The following VWF variants were observed in gnomAD, a reference collection of about 807,000 sequenced individuals.
The protein encoded by VWF is von Willebrand factor.
Under a neutral mutation model 308.6 loss-of-function variants are expected in VWF, and 176 were observed. The observed-to-expected ratio is 0.57, with a 90% CI of 0.50 to 0.65. The LOEUF (loss-of-function observed/expected upper bound fraction) is 0.65. VWF is among the 30% of genes least tolerant of loss of function. The pLI is 0.00. For synonymous variants in VWF, 1,385 were observed against 1,443.4 expected (o/e 0.96, Z 0.92); for missense variants, 3,146 against 3,648.2 (o/e 0.86, Z 3.55).
At chr12:6,036,358 T>TC in intron 19 of VWF, 30 bp downstream of exon 19, 1 of 1,604,900 alleles carries the variant, frequency 6.2e-7, no homozygotes, top group African/African-American at 1.3e-5. Context: ...AGGGCCTGGG[T>TC]CCCCGGCGCA....
At chr12:5,980,149 G>GAAA in intron 42 of VWF, among the ~76,000 whole-genome samples, 1 of 75,972 alleles carries the variant, frequency 1.3e-5, no homozygotes, top group African/African-American at 4.9e-5. Context: ...AAAGGAGTGA[G>GAAA]GGAGGGAGTG....
At chr12:5,964,289 T>TGC in intron 47 of VWF, among the ~76,000 whole-genome samples, 1 of 152,090 alleles carries the variant, frequency 6.6e-6, no homozygotes, top group African/African-American at 2.4e-5. Flanking sequence ...CATACATGCA[T>TGC]ACATACATAC....
chr12:5,981,591 C>A (rs1027733599), intron 42 of VWF, among the ~76,000 whole-genome samples, 195 bp downstream of exon 42: 1 of 152,148 alleles, frequency 6.6e-6, no homozygotes, highest in Non-Finnish European at 1.5e-5. Flanking sequence ...CCCAACCAAG[C>A]CTTGTAGCAC....
At chr12:6,004,489 T>C (rs746129383) in intron 34 of VWF, among the ~76,000 whole-genome samples, 2 of 152,084 alleles carry the variant, frequency 1.3e-5, no homozygotes, top group Non-Finnish European at 2.9e-5. Context: ...GTGTGCAAGA[T>C]ACTCCACTGC....
chr12:5,985,067 C>T lies in VWF; in HGVS notation c.6954G>A (p.Gln2318=). Residue 2318 remains glutamine, a synonymous_variant, in exon 40 of 52, where the codon CAG becomes CAA. Coordinates refer to ENST00000261405, the MANE Select transcript of VWF (RefSeq NM_000552.5). ...EVARLRQNAD[Q]CCPEYECVCD... ...TACCACACTCATACTCGGGGCAGCA[C>T]TGGTCTGCATTCTGGCGGAGGCGGG... 6.2e-7 allele frequency: 1 copy of T among 1,614,216 alleles called. No individual in the cohort carries two copies.
At chr12:6,016,963 C>A in intron 28 of VWF, 93 bp from the exon 29 acceptor site, 1 of 1,380,622 alleles carries the variant, frequency 7.2e-7, no homozygotes, top group South Asian at 1.2e-5. Context: ...ATCTGCAGGG[C>A]GTGCTGACCA....
In VWF at chr12:6,019,747, C is replaced by A; in HGVS notation, c.3675-4G>T. On this transcript the variant is annotated splice_region_variant and splice_polypyrimidine_tract_variant and intron_variant, in intron 27 of 51. Coordinates refer to ENST00000261405, the MANE Select transcript of VWF (RefSeq NM_000552.5). This position sits in a 1 kb window ranked among gnomAD's most constrained non-coding sequence, Gnocchi z 5.8. Reference sequence around the variant, plus strand: ...GAGGTTGACAACATCACAGTGGCTGCAGAAAAGAGCGAAGAAATTAAAATG... The same window carrying A: ...GAGGTTGACAACATCACAGTGGCTGAAGAAAAGAGCGAAGAAATTAAAATG... 6.2e-7 allele frequency: 1 copy of A among 1,609,792 alleles called. No homozygotes were observed. The highest frequency in any genetic ancestry group is 8.5e-7 in the Non-Finnish European group (1 of 1,178,182).
At chr12:6,011,585 C>T (rs767170933) in intron 34 of VWF, 32 bp downstream of exon 34, 43 of 1,567,932 alleles carry the variant, frequency 2.7e-5, no homozygotes, top group African/African-American at 1.2e-4. Context: ...GCCCCTTTGA[C>T]GCTGCCCTGG....
At chr12:6,110,331 G>A (rs754714730) in intron 5 of VWF, 43 bp downstream of exon 5, 1 of 1,598,706 alleles carries the variant, frequency 6.3e-7, no homozygotes, top group Non-Finnish European at 8.6e-7. Flanking sequence ...GAAATAAAAA[G>A]CATGGCCACA....
chr12:6,013,287 C>T (rs1944018300), intron 32 of VWF, among the ~76,000 whole-genome samples, 194 bp downstream of exon 32: 1 of 152,184 alleles, frequency 6.6e-6, no homozygotes, highest in Non-Finnish European at 1.5e-5. Flanking sequence ...TTTCTGCTGG[C>T]CCCATGGGGG....
At chr12:6,082,804 C>G (rs1944928523) in intron 6 of VWF, among the ~76,000 whole-genome samples, 1 of 152,188 alleles carries the variant, frequency 6.6e-6, no homozygotes, top group Admixed American at 6.5e-5. Context: ...TCAAGTAAAC[C>G]CTGTTAAATT....
chr12:6,101,724 C>T (rs545715328), intron 5 of VWF, among the ~76,000 whole-genome samples: 83 of 152,012 alleles, frequency 5.5e-4, no homozygotes, highest in South Asian at 1.3e-3. Context: ...TGCTGTGAGC[C>T]GAGACACGCC....
chr12:5,954,544 T>C (rs958984559), intron 47 of VWF, among the ~76,000 whole-genome samples: 4 of 152,168 alleles, frequency 2.6e-5, no homozygotes, highest in African/African-American at 7.2e-5. Flanking sequence ...CAGAAAACTG[T>C]AGTTGTATCT....
At chr12:6,031,294 ACGGTCAGTTGCAATAGCTC>A in intron 21 of VWF, 131 bp downstream of exon 21, 1 of 1,327,922 alleles carries the variant, frequency 7.5e-7, no homozygotes, top group South Asian at 1.3e-5. Context: ...ATAATACGTC[ACGGTCAGTTGCAATAGCTC>A]TGCCTCATCC....
chr12:5,977,728 G>A (rs534171957), intron 42 of VWF, among the ~76,000 whole-genome samples: 155 of 151,768 alleles, frequency 1.0e-3, no homozygotes, highest in South Asian at 4.0e-3. Context: ...AAAATTAGCC[G>A]GATGTGGTGG....
At chr12:6,030,810 C>T (rs1944253205) in intron 21 of VWF, among the ~76,000 whole-genome samples, 1 of 152,134 alleles carries the variant, frequency 6.6e-6, no homozygotes, top group African/African-American at 2.4e-5. Context: ...GGTAGATCAC[C>T]TGGGGTCTGG....
At chr12:6,037,004 G>C (rs75317933) in intron 18 of VWF, among the ~76,000 whole-genome samples, 1,589 of 152,302 alleles carry the variant, frequency 0.01, 21 homozygotes, top group Non-Finnish European at 0.012. Context: ...CCAGGCGCCA[G>C]TATCCTATGG....
intron 9 of VWF, 76 bp from the exon 10 acceptor site, chr12:6,071,419 G>A (rs371669878): frequency 4.6e-6 from 7 of 1,534,204 alleles, no homozygotes; most frequent in South Asian, 1.1e-5. Flanking sequence ...AGAGCTCATG[G>A]TAGTTATCAC....
chr12:5,964,270 A>ACATACATG (rs1307022766), intron 47 of VWF, among the ~76,000 whole-genome samples: 4 of 139,128 alleles, frequency 2.9e-5, no homozygotes, highest in East Asian at 4.2e-4. Flanking sequence ...ATACATACAT[A>ACATACATG]CATGCATACA....
Sources: allele counts gnomAD v4.1 joint callset (sites outside exome capture counted in the v4.1 genomes callset), GRCh38; gene constraint gnomAD v4.1.1; non-coding constraint Gnocchi (gnomAD v3.1); transcripts MANE v1.5; gene names NCBI Gene and HGNC (gene_info 2026-07-23, HGNC 2026-07-21).